Variants in SGSM2 observed in about 807,000 individuals in gnomAD.
SGSM2 encodes RUN and TBC1 domain containing 1.
A neutral mutation model predicts 126.6 loss-of-function variants in SGSM2; 89 were observed. The observed-to-expected ratio is 0.70, with a 90% CI of 0.59 to 0.84. The LOEUF (loss-of-function observed/expected upper bound fraction) is 0.84. Ranked by LOEUF, SGSM2 falls within the 40% of genes least tolerant of loss-of-function variation. The pLI is 0.00. For missense variants in SGSM2, 1,404 were observed against 1,416.6 expected, an observed-to-expected ratio of 0.99 and a Z score of 0.14; for synonymous variants, 614 against 574.3, an observed-to-expected ratio of 1.07 and a Z score of -0.99.
At position 2,375,685 on chromosome 17, in the gene SGSM2, A is replaced by T; in HGVS notation, c.2294A>T (p.Gln765Leu). 6.2e-7 allele frequency: 1 copy of T among 1,613,914 alleles called. No individual in the cohort carries two copies. Among genetic ancestry groups the T allele is most frequent in the Non-Finnish European group, 8.5e-7 (1 of 1,179,918 alleles). Residue 765 changes from glutamine to leucine, a missense_variant, in exon 18 of 24, where the codon CAG becomes CTG. Transcript: ENST00000268989. ...SRNYSVASGIQSSLDEGQSVG... is the reference protein window; with the variant it reads ...SRNYSVASGILSSLDEGQSVG... ...AATTACTCCGTGGCCTCGGGCATCCAGTCAAGCCTAGATGAGGGGCAGAGC... is the reference window on the plus strand; with the variant it reads ...AATTACTCCGTGGCCTCGGGCATCCTGTCAAGCCTAGATGAGGGGCAGAGC...
intron 19 of SGSM2, 195 bp downstream of exon 19, chr17:2,376,456 C>T: frequency 1.5e-6 from 1 of 689,026 alleles, no homozygotes; most frequent in Non-Finnish European, 2.4e-6. Context: ...CAGACCTCCA[C>T]TTCAGCCACA....
chr17:2,354,754 C>T (rs2065019932), intron 2 of SGSM2, among the ~76,000 whole-genome samples: 1 of 152,254 alleles, frequency 6.6e-6, no homozygotes, highest in Non-Finnish European at 1.5e-5. Flanking sequence ...TCAGCAGCTC[C>T]CCACGTCCCT....
chr17:2,379,524 G>C lies in SGSM2; in HGVS notation c.*4G>C. Reference sequence around the variant, plus strand: ...GATGCTCATAGAGAACAAGTGAGCTGGGGCCAGGAGGCAGCAGCCGTGCAG... The same window carrying C: ...GATGCTCATAGAGAACAAGTGAGCTCGGGCCAGGAGGCAGCAGCCGTGCAG... On this transcript the variant is annotated 3_prime_UTR_variant, in exon 24 of 24. Transcript: ENST00000268989. The C allele has an allele frequency of 6.2e-7, 1 of 1,609,186 alleles. No homozygotes were observed.
chr17:2,367,035 C>T lies in SGSM2; in HGVS notation c.1289-236C>T. ...CTCTGTTCTCTCTCTTCTGTTCTTCCTAGAGAGGCTGCCTCCGAAGAGTGA... is the reference window on the plus strand; with the variant it reads ...CTCTGTTCTCTCTCTTCTGTTCTTCTTAGAGAGGCTGCCTCCGAAGAGTGA... On this transcript the variant is annotated intron_variant, in intron 11 of 23. Transcript: ENST00000268989. This position sits in a 1 kb window ranked among gnomAD's most constrained non-coding sequence, Gnocchi z 4.0. 3.8e-6 allele frequency: 2 copies of T among 521,008 alleles called. No individual in the cohort carries two copies. Among genetic ancestry groups the T allele is most frequent in the Non-Finnish European group, 6.9e-6 (2 of 289,474 alleles). The allele number at this position is 521,008 out of a possible 1,614,324, so 32.3% of individuals were successfully genotyped here. A position where few individuals can be genotyped will look rare whatever the true frequency, so the allele number is the denominator to read the frequency against.
At chr17:2,365,720 G>A (rs977248125) in intron 11 of SGSM2, among the ~76,000 whole-genome samples, 1 of 150,580 alleles carries the variant, frequency 6.6e-6, no homozygotes, top group East Asian at 1.9e-4. Context: ...CTACAAGACA[G>A]CCTGGGTATG....
intron 2 of SGSM2, among the ~76,000 whole-genome samples, chr17:2,347,844 G>A (rs750287949): frequency 4.4e-4 from 67 of 152,146 alleles, no homozygotes; most frequent in Non-Finnish European, 7.8e-4. Context: ...TGGTAGAGCA[G>A]GTTTCAGAGG....
intron 22 of SGSM2, among the ~76,000 whole-genome samples, chr17:2,378,781 G>A (rs539996816): frequency 2.0e-5 from 3 of 152,316 alleles, no homozygotes; most frequent in African/African-American, 7.2e-5. Context: ...CCTTGGTACG[G>A]GGTACAGAAC....
rs141986992 is a variant in SGSM2 at position 2,365,237 on chromosome 17, G to A, written c.1184G>A (p.Arg395Gln). Reference protein sequence around the residue: ...QGKGKVFPKLRKRSSIRSVDM... With the variant: ...QGKGKVFPKLQKRSSIRSVDM... ...CAGGGGAAAGTGTTCCCCAAGCTAC[G>A]GAAACGAAGCAGCATTCGCTCCGTG... is the stretch of plus-strand genomic sequence containing the variant. Residue 395 changes from arginine to glutamine, a missense_variant, in exon 11 of 24, where the codon CGG becomes CAG. Physicochemically the swap from Arg to Gln is conservative, Grantham distance 43. Transcript: ENST00000268989. 37 of 1,612,648 alleles carry A rather than the reference G, an allele frequency of 2.3e-5. No individual in the cohort carries two copies. The highest frequency in any genetic ancestry group is 3.3e-5 in the Admixed American group (2 of 59,884).
chr17:2,362,431 T>TC lies in SGSM2; in HGVS notation c.458+164dup, dbSNP rs762554037. Reference sequence around the variant, plus strand: ...CCAAAACTGCAGGTGACCGCCCCGTTCCCAAAAACTGCAGGTGACCGCCCC... The same window carrying TC: ...CCAAAACTGCAGGTGACCGCCCCGTTCCCCAAAAACTGCAGGTGACCGCCCC... On this transcript the variant is annotated intron_variant, in intron 4 of 23. Coordinates refer to ENST00000268989, the MANE Select transcript of SGSM2 (RefSeq NM_014853.3). The surrounding 1 kb of genome is among the most constrained non-coding windows in gnomAD (Gnocchi z 4.9). Among the ~76,000 whole-genome samples, 1 of 39,866 alleles carries TC rather than the reference T, an allele frequency of 2.5e-5. No individual in the cohort carries two copies. Among genetic ancestry groups the TC allele is most frequent in the Non-Finnish European group, 4.7e-5 (1 of 21,404 alleles). 26.2% of individuals were successfully genotyped at this position (39,866 alleles called of 152,430 possible).
At chr17:2,377,667 G>A in intron 21 of SGSM2, 190 bp from the exon 22 acceptor site, 2 of 486,792 alleles carry the variant, frequency 4.1e-6, no homozygotes, top group Non-Finnish European at 7.4e-6. Flanking sequence ...GGGAGGGGCA[G>A]CAGGAGCAAC....
Position 2,363,920 on chromosome 17 carries a change from C to T in SGSM2, c.808-139C>T. The T allele has an allele frequency of 2.0e-6, 2 of 1,022,084 alleles. No homozygotes were observed. The highest frequency in any genetic ancestry group is 2.9e-6 in the Non-Finnish European group (2 of 689,054). 63.3% of individuals were successfully genotyped at this position (1,022,084 alleles called of 1,614,324 possible). On this transcript the variant is annotated intron_variant, in intron 7 of 23. Transcript: ENST00000268989. The surrounding 1 kb of genome is among the most constrained non-coding windows in gnomAD (Gnocchi z 4.2). ...AACTGAGTCCTGTTTTCCTGTGCTT[C>T]TGCCCCGTCCCTAGTCCAGGACCCC...
Position 2,372,447 on chromosome 17 carries a change from C to T in SGSM2, c.1747C>T (p.Leu583Phe). 1 of 1,601,388 alleles carries T rather than the reference C, an allele frequency of 6.2e-7. No individual in the cohort carries two copies. The highest frequency in any genetic ancestry group is 8.5e-7 in the Non-Finnish European group (1 of 1,176,344). ...PDRPPGASAG[L>F]TKDVWSKYQK... Reference sequence around the variant, plus strand: ...CCGGCCCCCGGGGGCCTCCGCGGGCCTCACCAAGGACGTGTGGAGCAAGTA... The same window carrying T: ...CCGGCCCCCGGGGGCCTCCGCGGGCTTCACCAAGGACGTGTGGAGCAAGTA... The change falls in exon 15 of 24, where the codon CTC (leucine) becomes TTC (phenylalanine). Residue 583 changes from leucine (L) to phenylalanine (F), a missense_variant. Leu to Phe is a conservative substitution (Grantham distance 22, BLOSUM62 0). Transcript: ENST00000268989. The surrounding 1 kb of genome is among the most constrained non-coding windows in gnomAD (Gnocchi z 6.0).
At chr17:2,339,191 G>C (rs1472231849) in intron 1 of SGSM2, among the ~76,000 whole-genome samples, 1 of 152,148 alleles carries the variant, frequency 6.6e-6, no homozygotes, top group Non-Finnish European at 1.5e-5. Context: ...ACTTTGGGAG[G>C]CTGAGGCGGG....
At chr17:2,342,499 G>A (rs1157884790) in intron 1 of SGSM2, among the ~76,000 whole-genome samples, 1 of 152,088 alleles carries the variant, frequency 6.6e-6, no homozygotes, top group Non-Finnish European at 1.5e-5. Context: ...GTACCCTTAG[G>A]GGGAATAGTG....
intron 21 of SGSM2, 151 bp downstream of exon 21, chr17:2,377,219 C>T: frequency 1.7e-6 from 1 of 601,486 alleles, no homozygotes. Context: ...GGCAACGTGG[C>T]TCAGGCCTGT....
chr17:2,379,557 G>A lies in SGSM2; in HGVS notation c.*37G>A, dbSNP rs778004418. ...GAGGCAGCAGCCGTGCAGAGCCTGGGCTCCGGCAGGGAGAGGTGCAGGGGA... is the reference window on the plus strand; with the variant it reads ...GAGGCAGCAGCCGTGCAGAGCCTGGACTCCGGCAGGGAGAGGTGCAGGGGA... On this transcript the variant is annotated 3_prime_UTR_variant, in exon 24 of 24. Coordinates refer to ENST00000268989, the MANE Select transcript of SGSM2 (RefSeq NM_014853.3). 4 of 1,595,700 alleles carry A rather than the reference G, an allele frequency of 2.5e-6. No homozygotes were observed. In the African/African-American group the frequency reaches 5.4e-5, roughly 21 times the overall value.
At chr17:2,340,464 C>T (rs1176203726) in intron 1 of SGSM2, among the ~76,000 whole-genome samples, 1 of 152,122 alleles carries the variant, frequency 6.6e-6, no homozygotes, top group Non-Finnish European at 1.5e-5. Flanking sequence ...GACTATACTG[C>T]TCCAAAAGTG....
At position 2,363,032 on chromosome 17, in the gene SGSM2, T is replaced by C; in HGVS notation, c.570T>C (p.Asp190=). The C allele has an allele frequency of 6.2e-7, 1 of 1,613,992 alleles. No homozygotes were observed. Among genetic ancestry groups the C allele is most frequent in the South Asian group, 1.1e-5 (1 of 91,086 alleles). ...ALEYTKLKTA[D]HYWTDPSADE... ...AATACACTAAGCTCAAGACAGCCGA[T>C]CACTACTGGACTGACCCCTCTGCTG... The change falls in exon 6 of 24, where the codon GAT becomes GAC. Residue 190 remains aspartate (D), a synonymous_variant. Coordinates refer to ENST00000268989, the MANE Select transcript of SGSM2 (RefSeq NM_014853.3). The surrounding 1 kb of genome is among the most constrained non-coding windows in gnomAD (Gnocchi z 4.2).
chr17:2,347,327 G>A (rs1279615173), intron 2 of SGSM2, among the ~76,000 whole-genome samples: 6 of 151,568 alleles, frequency 4.0e-5, no homozygotes, highest in Admixed American at 6.6e-5. Flanking sequence ...GGCTGGTCTC[G>A]AACTCCTGAC....
Sources: gnomAD v4.1 joint callset for allele counts (sites outside exome capture counted in the v4.1 genomes callset) on GRCh38, gnomAD v4.1.1 for gene constraint, Gnocchi (gnomAD v3.1) non-coding constraint, MANE v1.5 for transcripts, NCBI Gene and HGNC (gene_info 2026-07-23, HGNC 2026-07-21) for gene names.